The following DAB1 variants were observed in gnomAD, a reference collection of about 807,000 sequenced individuals.
DAB1 encodes DAB adaptor protein 1, also known as disabled homolog 1.
A neutral mutation model predicts 64.6 loss-of-function variants in DAB1; 15 were observed. The ratio of observed to expected loss-of-function variants is 0.23; its 90% CI spans 0.16 to 0.36. The LOEUF (loss-of-function observed/expected upper bound fraction) is 0.36, where lower values mean the gene tolerates loss of function less well. DAB1 is among the 10% of genes least tolerant of loss of function. The pLI is 1.00. For synonymous variants in DAB1, 235 were observed against 251.9 expected (o/e 0.93, Z 0.64); for missense variants, 596 against 706.7 (o/e 0.84, Z 1.78).
At chr1:57,050,663 T>C (rs58224442) in intron 9 of DAB1, among the ~76,000 whole-genome samples, 2,510 of 152,280 alleles carry the variant, frequency 0.016, 57 homozygotes, top group African/African-American at 0.057. Context: ...TCAGGCAAAG[T>C]TTACTGCTCC....
At chr1:58,109,941 T>C (rs1238809791) in intron 5 of DAB1, among the ~76,000 whole-genome samples, 4 of 152,228 alleles carry the variant, frequency 2.6e-5, no homozygotes, top group Non-Finnish European at 5.9e-5. Flanking sequence ...TGATATGTGA[T>C]ATGAATAGAT....
intron 1 of DAB1, among the ~76,000 whole-genome samples, chr1:57,326,822 A>G (rs2100782564): frequency 6.6e-6 from 1 of 152,138 alleles, no homozygotes; most frequent in African/African-American, 2.4e-5. Flanking sequence ...TCACCTCCCA[A>G]TGTCCCTGCC....
chr1:57,724,461 T>C (rs1570770115), intron 6 of DAB1, among the ~76,000 whole-genome samples: 1 of 152,280 alleles, frequency 6.6e-6, no homozygotes, highest in East Asian at 1.9e-4. Flanking sequence ...GATTGCTTTG[T>C]CTTACCGATT....
chr1:57,888,097 C>A (rs756636767), upstream of DAB1, among the ~76,000 whole-genome samples: 2 of 152,174 alleles, frequency 1.3e-5, no homozygotes, highest in African/African-American at 4.8e-5. Flanking sequence ...GTGGCTTTCA[C>A]TGTAGGGCCC....
At chr1:57,587,143 G>A (rs191167382) in intron 7 of DAB1, among the ~76,000 whole-genome samples, 1 of 152,258 alleles carries the variant, frequency 6.6e-6, no homozygotes, top group East Asian at 1.9e-4. Context: ...ATCCCCAGTT[G>A]TTTGAAAGTT....
At chr1:57,308,066 A>T (rs1674349680) in intron 1 of DAB1, among the ~76,000 whole-genome samples, 1 of 152,230 alleles carries the variant, frequency 6.6e-6, no homozygotes, top group Non-Finnish European at 1.5e-5. Flanking sequence ...ATTAAAATTT[A>T]CAGTCTAAAT....
intron 2 of DAB1, among the ~76,000 whole-genome samples, chr1:57,246,340 G>A (rs1668873807): frequency 6.6e-6 from 1 of 152,192 alleles, no homozygotes; most frequent in African/African-American, 2.4e-5. Context: ...TGGCTAAAAG[G>A]GATGAAGGTA....
rs768682848 is a variant in DAB1 at position 57,145,278 on chromosome 1, T to C, written c.207+12A>G. 1.9e-6 allele frequency: 3 copies of C among 1,613,568 alleles called. No individual in the cohort carries two copies. Among genetic ancestry groups the C allele is most frequent in the Non-Finnish European group, 2.5e-6 (3 of 1,179,626 alleles). The stretch of plus-strand genomic sequence containing the variant: ...AACACAAAGTATTGAAAAGAAAACG[T>C]TTGCATAGCACCTTGAGTTTCATCA... On this transcript the variant is annotated intron_variant, in intron 3 of 14. Transcript: ENST00000371236.
intron 5 of DAB1, among the ~76,000 whole-genome samples, chr1:58,036,537 A>T (rs1389250902): frequency 6.6e-6 from 1 of 152,230 alleles, no homozygotes; most frequent in Non-Finnish European, 1.5e-5. Flanking sequence ...AATCCACCAA[A>T]GGCCTTTATT....
At chr1:58,518,338 G>GAGAAGAGAAGAGA (rs1646203931) in intron 2 of DAB1, among the ~76,000 whole-genome samples, 1 of 130,398 alleles carries the variant, frequency 7.7e-6, no homozygotes, top group South Asian at 2.6e-4. Context: ...GAGAAGAGAA[G>GAGAAGAGAAGAGA]AGAAGAGAAG....
chr1:57,520,879 C>T (rs1179299649), intron 7 of DAB1, among the ~76,000 whole-genome samples: 1 of 151,676 alleles, frequency 6.6e-6, no homozygotes. Context: ...GCATAGCCAT[C>T]CAACAGGAAA....
chr1:57,478,678 C>T (rs961285334), intron 7 of DAB1, among the ~76,000 whole-genome samples: 3 of 149,956 alleles, frequency 2.0e-5, no homozygotes, highest in Non-Finnish European at 4.4e-5. Flanking sequence ...CTGCAACCTC[C>T]GCCTCCTGGG....
intron 1 of DAB1, among the ~76,000 whole-genome samples, chr1:57,405,654 C>T (rs269045): frequency 0.55 from 83,148 of 152,060 alleles, 24,112 homozygotes; most frequent in African/African-American, 0.7. Flanking sequence ...TATTCTGTTA[C>T]TGCAACCATC....
intron 4 of DAB1, among the ~76,000 whole-genome samples, chr1:58,258,490 C>T (rs187018863): frequency 6.6e-6 from 1 of 152,190 alleles, no homozygotes; most frequent in African/African-American, 2.4e-5. Flanking sequence ...CACTGTGTGG[C>T]CTTGGACTGG....
intron 3 of DAB1, among the ~76,000 whole-genome samples, chr1:58,379,098 G>A (rs956207509): frequency 1.5e-4 from 23 of 151,648 alleles, no homozygotes; most frequent in Admixed American, 2.0e-4. Flanking sequence ...CTAGTGAGAT[G>A]AACCCGGTAC....
At chr1:57,672,703 G>A (rs1311353806) in intron 6 of DAB1, among the ~76,000 whole-genome samples, 1 of 152,126 alleles carries the variant, frequency 6.6e-6, no homozygotes, top group Admixed American at 6.6e-5. Context: ...TAATATCTTA[G>A]AGTGGGTTTG....
intron 7 of DAB1, among the ~76,000 whole-genome samples, chr1:57,524,901 C>T (rs868362988): frequency 6.6e-6 from 1 of 152,048 alleles, no homozygotes; most frequent in South Asian, 2.1e-4. Context: ...ATGAACCAAC[C>T]AACCAGACCA....
intron 5 of DAB1, among the ~76,000 whole-genome samples, chr1:58,131,771 G>C (rs1249408473): frequency 6.7e-6 from 1 of 148,572 alleles, no homozygotes; most frequent in Non-Finnish European, 1.5e-5. Context: ...AGGCTGCTCG[G>C]GGGTCAGGGG....
intron 9 of DAB1, among the ~76,000 whole-genome samples, chr1:57,057,861 G>A (rs986321063): frequency 2.0e-5 from 3 of 152,040 alleles, no homozygotes; most frequent in Non-Finnish European, 2.9e-5. Context: ...GCCCGCCTTG[G>A]CCTCCCAAAG....
Sources: gnomAD v4.1 joint callset for allele counts (sites outside exome capture counted in the v4.1 genomes callset) on GRCh38, gnomAD v4.1.1 for gene constraint, MANE v1.5 for transcripts, NCBI Gene and HGNC (gene_info 2026-07-23, HGNC 2026-07-21) for gene names.